Variants in LHFPL2 observed in about 807,000 individuals in gnomAD.
LHFPL2 encodes the protein LHFPL tetraspan subfamily member 2, also known as LHFPL tetraspan subfamily member 2 protein.
A neutral mutation model predicts 17.5 loss-of-function variants in LHFPL2; 7 were observed. The observed-to-expected ratio is 0.40, with a 90% CI of 0.23 to 0.75. The LOEUF is 0.75. Among genes scored for constraint, LHFPL2 ranks in the 30% least tolerant of loss-of-function variants. The probability of loss-of-function intolerance (pLI) is 0.37; values close to 1 mark genes in which losing one functional copy is unlikely to be tolerated. For synonymous variants in LHFPL2, 134 were observed against 116.2 expected, an observed-to-expected ratio of 1.15 and a Z score of -0.99; for missense variants, 241 against 294.8, an observed-to-expected ratio of 0.82 and a Z score of 1.34.
chr5:78,573,024 C>T (rs1407870208), intron 2 of LHFPL2, among the ~76,000 whole-genome samples: 1 of 152,182 alleles, frequency 6.6e-6, no homozygotes, highest in Non-Finnish European at 1.5e-5. Context: ...GCTCGCTCGC[C>T]TGGTCCTGCT....
rs533759412 is a variant in LHFPL2, at chr5:78,488,668, A to G, written c.*229T>C. Reference sequence around the variant, plus strand: ...GACAGAACTTGGCAACTCCAGGTCTAGGATTATATACTATTTTCATGTTCC... The same window carrying G: ...GACAGAACTTGGCAACTCCAGGTCTGGGATTATATACTATTTTCATGTTCC... On this transcript the variant is annotated 3_prime_UTR_variant, in exon 5 of 5. Transcript: ENST00000380345. 9 of 540,724 alleles carry G rather than the reference A, an allele frequency of 1.7e-5. No individual in the cohort carries two copies. The South Asian group carries it at 2.0e-4, about 12-fold the overall frequency. The allele number at this position is 540,724 out of a possible 1,614,324, so 33.5% of individuals were successfully genotyped here. A position where few individuals can be genotyped will look rare whatever the true frequency, so the allele number is the denominator to read the frequency against.
intron 3 of LHFPL2, among the ~76,000 whole-genome samples, chr5:78,535,485 C>T: frequency 6.6e-6 from 1 of 152,110 alleles, no homozygotes; most frequent in South Asian, 2.1e-4. Context: ...CAAAGACGAC[C>T]TAGGACCCCC....
chr5:78,569,711 G>A (rs1756947005), intron 2 of LHFPL2, among the ~76,000 whole-genome samples: 1 of 152,190 alleles, frequency 6.6e-6, no homozygotes, highest in African/African-American at 2.4e-5. Flanking sequence ...CATGTGAGAC[G>A]CTGGGAACCT....
intron 2 of LHFPL2, among the ~76,000 whole-genome samples, chr5:78,630,501 ATCC>A (rs1433183920): frequency 6.6e-6 from 1 of 152,148 alleles, no homozygotes; most frequent in Non-Finnish European, 1.5e-5. Flanking sequence ...CAAAGCTGAA[ATCC>A]TCCTTCTATC....
intron 4 of LHFPL2, among the ~76,000 whole-genome samples, chr5:78,503,243 G>C (rs144131190): frequency 6.6e-6 from 1 of 152,214 alleles, no homozygotes; most frequent in South Asian, 2.1e-4. Flanking sequence ...AATGTAATTT[G>C]AATATAGATC....
At chr5:78,511,997 C>CGGTAAG (rs1231142368) in intron 3 of LHFPL2, among the ~76,000 whole-genome samples, 3 of 152,212 alleles carry the variant, frequency 2.0e-5, no homozygotes, top group African/African-American at 7.2e-5. Flanking sequence ...TCGTCTGAGC[C>CGGTAAG]GGTAAGGGTA....
chr5:78,557,900 T>C (rs976576165), intron 3 of LHFPL2, among the ~76,000 whole-genome samples: 1 of 152,212 alleles, frequency 6.6e-6, no homozygotes, highest in Non-Finnish European at 1.5e-5. Context: ...GACAGGACCA[T>C]TGTATGACTA....
intron 2 of LHFPL2, chr5:78,625,755 A>G (rs1580870191): frequency 2.0e-5 from 3 of 152,258 alleles, no homozygotes; most frequent in East Asian, 3.8e-4. Flanking sequence ...ACCTAATACA[A>G]TGCAGGCACC....
intron 4 of LHFPL2, among the ~76,000 whole-genome samples, chr5:78,500,280 C>G (rs140799305): frequency 2.0e-5 from 3 of 152,344 alleles, no homozygotes; most frequent in Non-Finnish European, 2.9e-5. Context: ...CAGCCTTTCT[C>G]AATTCATAGA....
chr5:78,639,081 C>T (rs1745567486), intron 1 of LHFPL2, among the ~76,000 whole-genome samples: 1 of 152,132 alleles, frequency 6.6e-6, no homozygotes, highest in Non-Finnish European at 1.5e-5. Context: ...TGGTTCTTGC[C>T]TAACATGGCT....
At chr5:78,533,738 T>G (rs1755856281) in intron 3 of LHFPL2, among the ~76,000 whole-genome samples, 1 of 152,236 alleles carries the variant, frequency 6.6e-6, no homozygotes, top group South Asian at 2.1e-4. Context: ...GAAAAAGAAC[T>G]CTGCCAAGCA....
At chr5:78,633,838 A>T (rs1199003935) in intron 1 of LHFPL2, among the ~76,000 whole-genome samples, 1 of 152,152 alleles carries the variant, frequency 6.6e-6, no homozygotes, top group African/African-American at 2.4e-5. Flanking sequence ...GCTTCAAGGA[A>T]AGAGAATGCA....
intron 2 of LHFPL2, among the ~76,000 whole-genome samples, chr5:78,594,612 C>A (rs758461926): frequency 2.0e-5 from 3 of 152,206 alleles, no homozygotes; most frequent in Admixed American, 6.5e-5. Flanking sequence ...AAATCATGAA[C>A]AGTTCCTTCA....
intron 4 of LHFPL2, among the ~76,000 whole-genome samples, chr5:78,497,353 T>C (rs1754638909): frequency 1.3e-5 from 2 of 152,202 alleles, no homozygotes. Context: ...CCTCTCACTA[T>C]TCCAGCATAC....
chr5:78,511,083 A>T (rs1201923553), intron 3 of LHFPL2, among the ~76,000 whole-genome samples: 1 of 145,044 alleles, frequency 6.9e-6, no homozygotes, highest in African/African-American at 2.6e-5. Flanking sequence ...AAAATAATTT[A>T]CACTAATTAA....
intron 3 of LHFPL2, among the ~76,000 whole-genome samples, chr5:78,524,161 C>T (rs942703032): frequency 6.6e-6 from 1 of 152,178 alleles, no homozygotes; most frequent in African/African-American, 2.4e-5. Flanking sequence ...ACCCAGCCTC[C>T]TTCTCAGGAA....
chr5:78,489,212 T>C (rs1754356868), intron 4 of LHFPL2, 59 bp from the exon 5 acceptor site: 2 of 1,581,898 alleles, frequency 1.3e-6, no homozygotes, highest in African/African-American at 2.7e-5. Flanking sequence ...ACTGTCCAGA[T>C]CTGTTGTAAT....
Position 78,554,062 on chromosome 5 carries a change from G to A in LHFPL2, c.-186+10751C>T, listed in dbSNP as rs553311978. ...TTACATTTACTCCAGCATTGATCAG[G>A]CGCTGATCTATTTTAAGTACATTCC... On this transcript the variant is annotated intron_variant, in intron 3 of 4. Transcript: ENST00000380345. Among the ~76,000 whole-genome samples the A allele has an allele frequency of 7.9e-5, 12 of 152,324 alleles. No individual in the cohort carries two copies. In the South Asian group the frequency reaches 2.5e-3, roughly 32 times the overall value.
intron 3 of LHFPL2, among the ~76,000 whole-genome samples, chr5:78,512,625 C>T (rs555438085): frequency 4.4e-4 from 67 of 152,130 alleles, no homozygotes; most frequent in African/African-American, 1.6e-3. Flanking sequence ...ACCCATCAGG[C>T]TCACAAATAC....
Sources: allele counts gnomAD v4.1 joint callset (sites outside exome capture counted in the v4.1 genomes callset), GRCh38; gene constraint gnomAD v4.1.1; transcripts MANE v1.5; gene names NCBI Gene and HGNC (gene_info 2026-07-23, HGNC 2026-07-21).